LINGO2: variants seen among roughly 807,000 people sequenced by gnomAD.
LINGO2 encodes leucine rich repeat and Ig domain containing 2, also known as leucine-rich repeat and immunoglobulin-like domain-containing nogo receptor-interacting protein 2.
LINGO2 carries 14 observed loss-of-function variants against 30.6 expected under a neutral mutation model. The observed-to-expected ratio is 0.46, with a 90% CI of 0.30 to 0.72. The LOEUF (loss-of-function observed/expected upper bound fraction) is 0.72, where lower values mean the gene tolerates loss of function less well. LINGO2 is among the 30% of genes least tolerant of loss of function. The pLI, the probability that LINGO2 is intolerant of heterozygous loss-of-function variation, is 0.07. For synonymous variants in LINGO2, 317 were observed against 288.5 expected (o/e 1.10, Z -1.00); for missense variants, 729 against 751.7 (o/e 0.97, Z 0.35).
the LINGO2 span, among the ~76,000 whole-genome samples, chr9:29,062,211 A>G: frequency 6.6e-6 from 1 of 152,140 alleles, no homozygotes; most frequent in East Asian, 1.9e-4. Flanking sequence ...GGATGTAGAG[A>G]AATTAGAAGC....
intron 2 of LINGO2, among the ~76,000 whole-genome samples, chr9:28,462,798 C>T (rs1481304693): frequency 6.6e-6 from 1 of 151,864 alleles, no homozygotes; most frequent in Non-Finnish European, 1.5e-5. Flanking sequence ...CATAGAGTAA[C>T]TTGGTTGTGA....
the LINGO2 span, among the ~76,000 whole-genome samples, chr9:29,115,937 T>A: frequency 6.6e-6 from 1 of 152,052 alleles, no homozygotes; most frequent in African/African-American, 2.4e-5. Flanking sequence ...TAACTGTATA[T>A]CACTTATTGT....
chr9:28,602,826 T>C (rs1219609667), intron 1 of LINGO2, among the ~76,000 whole-genome samples: 1 of 152,090 alleles, frequency 6.6e-6, no homozygotes, highest in Non-Finnish European at 1.5e-5. Flanking sequence ...ACTGTACATC[T>C]GTGTCACAAA....
chr9:28,846,903 C>T, the LINGO2 span, among the ~76,000 whole-genome samples: 6 of 144,550 alleles, frequency 4.2e-5, no homozygotes, highest in Admixed American at 2.1e-4. Flanking sequence ...GCTCCTCCTA[C>T]AGTCCAGAAT....
chr9:28,354,090 C>G (rs569576868), intron 3 of LINGO2, among the ~76,000 whole-genome samples: 13 of 151,920 alleles, frequency 8.6e-5, no homozygotes, highest in African/African-American at 3.1e-4. Context: ...CAGCATGGCG[C>G]ATGTATACAT....
intron 4 of LINGO2, among the ~76,000 whole-genome samples, chr9:28,057,260 A>G (rs771516608): frequency 2.0e-5 from 3 of 151,784 alleles, no homozygotes; most frequent in African/African-American, 7.2e-5. Context: ...TTGGCAACCA[A>G]TAAGTTAAGC....
At chr9:28,119,560 G>A (rs2133390462) in intron 4 of LINGO2, among the ~76,000 whole-genome samples, 1 of 152,268 alleles carries the variant, frequency 6.6e-6, no homozygotes, top group African/African-American at 2.4e-5. Context: ...TTAGCAGTGT[G>A]GCTGGCACAA....
chr9:29,048,279 G>A, the LINGO2 span, among the ~76,000 whole-genome samples: 1 of 150,898 alleles, frequency 6.6e-6, no homozygotes, highest in Non-Finnish European at 1.5e-5. Flanking sequence ...TCTCTATAAT[G>A]AAAACCATAA....
chr9:28,067,749 T>C (rs1825356621), intron 4 of LINGO2, among the ~76,000 whole-genome samples: 1 of 152,202 alleles, frequency 6.6e-6, no homozygotes, highest in Admixed American at 6.6e-5. Flanking sequence ...CTGCTACCGA[T>C]AATATCTCAC....
chr9:28,090,189 G>A (rs1213296108), intron 4 of LINGO2, among the ~76,000 whole-genome samples: 5 of 152,110 alleles, frequency 3.3e-5, no homozygotes, highest in East Asian at 1.9e-4. Context: ...TAGAAAAAGA[G>A]GGAGTCCTCC....
At chr9:28,894,786 C>T in the LINGO2 span, among the ~76,000 whole-genome samples, 5 of 151,948 alleles carry the variant, frequency 3.3e-5, no homozygotes, top group South Asian at 2.1e-4. Context: ...CTTTGAAATA[C>T]GAGTACATTG....
chr9:28,992,353 C>T, the LINGO2 span, among the ~76,000 whole-genome samples: 1 of 152,112 alleles, frequency 6.6e-6, no homozygotes, highest in Non-Finnish European at 1.5e-5. Context: ...CGGGAGCACC[C>T]AAATTCATAA....
At chr9:28,731,273 G>C in the LINGO2 span, among the ~76,000 whole-genome samples, 1 of 152,078 alleles carries the variant, frequency 6.6e-6, no homozygotes, top group South Asian at 2.1e-4. Flanking sequence ...ACAGGAGTGA[G>C]CCACTGCGCC....
the LINGO2 span, among the ~76,000 whole-genome samples, chr9:29,164,713 TACACACACACACAA>T: frequency 2.6e-5 from 4 of 151,572 alleles, no homozygotes; most frequent in South Asian, 8.3e-4. Context: ...ATAACACACA[TACACACACACACAA>T]ACACACACAT....
At chr9:29,075,750 G>A in the LINGO2 span, among the ~76,000 whole-genome samples, 1 of 152,074 alleles carries the variant, frequency 6.6e-6, no homozygotes, top group Non-Finnish European at 1.5e-5. Flanking sequence ...AGTTAGCAAA[G>A]GCTAGCAGAA....
the LINGO2 span, among the ~76,000 whole-genome samples, chr9:29,079,805 T>C: frequency 2.6e-5 from 4 of 151,724 alleles, no homozygotes; most frequent in African/African-American, 4.8e-5. Context: ...TTCAGAAAAA[T>C]AGAAGATGAA....
intron 3 of LINGO2, among the ~76,000 whole-genome samples, chr9:28,355,465 T>G (rs1820162080): frequency 6.6e-6 from 1 of 151,614 alleles, no homozygotes; most frequent in Admixed American, 6.6e-5. Flanking sequence ...CCTAAAGTGC[T>G]GAACATTTTT....
chr9:28,989,899 G>C, the LINGO2 span, among the ~76,000 whole-genome samples: 18,449 of 152,190 alleles, frequency 0.12, 1,100 homozygotes, highest in South Asian at 0.16. Flanking sequence ...ACAAGCTAAA[G>C]ACTGTGAAGT....
chr9:28,507,565 C>T (rs1473299751), intron 1 of LINGO2, among the ~76,000 whole-genome samples: 1 of 151,954 alleles, frequency 6.6e-6, no homozygotes, highest in African/African-American at 2.4e-5. Flanking sequence ...ATTCTGGCAA[C>T]AAAAGATGTC....
Sources: gnomAD v4.1 joint callset for allele counts (sites outside exome capture counted in the v4.1 genomes callset) on GRCh38, gnomAD v4.1.1 for gene constraint, MANE v1.5 for transcripts, NCBI Gene and HGNC (gene_info 2026-07-23, HGNC 2026-07-21) for gene names.